The following MYOM1 variants were observed in gnomAD, a reference collection of about 807,000 sequenced individuals.
MYOM1 encodes the protein myomesin-1.
A neutral mutation model predicts 205.3 loss-of-function variants in MYOM1; 164 were observed. The observed-to-expected ratio is 0.80, with a 90% CI of 0.70 to 0.91. The LOEUF (loss-of-function observed/expected upper bound fraction) is 0.91, where lower values mean the gene tolerates loss of function less well. Among genes scored for constraint, MYOM1 ranks in the 40% least tolerant of loss-of-function variants. The probability of loss-of-function intolerance (pLI) is 0.00; values close to 1 mark genes in which losing one functional copy is unlikely to be tolerated. For missense variants in MYOM1, 2,011 were observed against 2,127.3 expected, an observed-to-expected ratio of 0.95 and a Z score of 1.08; for synonymous variants, 772 against 789.4, an observed-to-expected ratio of 0.98 and a Z score of 0.37.
intron 3 of MYOM1, among the ~76,000 whole-genome samples, chr18:3,193,335 TATGTAC>T (rs777080653): frequency 1.4e-5 from 2 of 140,420 alleles, no homozygotes; most frequent in African/African-American, 2.8e-5. Context: ...TATACATATA[TATGTAC>T]ATATACATAT....
At chr18:3,154,915 T>C (rs2080272680) in intron 11 of MYOM1, 32 bp downstream of exon 11, 1 of 1,597,964 alleles carries the variant, frequency 6.3e-7, no homozygotes, top group East Asian at 2.2e-5. Flanking sequence ...TATGACCAAA[T>C]AACTGTAATT....
rs1371652076 is a variant in MYOM1, at chr18:3,151,038, C to G, written c.1843+656G>C. ...TTTTTTTTTTTAAAAGATGGGGTCT[C>G]TCTATGTTGCCCAGGTTGGTCTCAG... On this transcript the variant is annotated intron_variant, in intron 12 of 37. Transcript: ENST00000356443. 2.5e-5 allele frequency among the ~76,000 whole-genome samples: 3 copies of G among 118,670 alleles called. No individual in the cohort carries two copies. In the East Asian group the frequency reaches 8.4e-4, roughly 33 times the overall value. The allele number at this position is 118,670 out of a possible 152,430, so 77.9% of individuals were successfully genotyped here.
chr18:3,243,809 T>C, the MYOM1 span, among the ~76,000 whole-genome samples: 1 of 152,158 alleles, frequency 6.6e-6, no homozygotes, highest in African/African-American at 2.4e-5. Context: ...CACAGGGTTG[T>C]TGTAAGAATT....
Position 3,094,323 on chromosome 18 carries a change from TA to T in MYOM1, c.3728-18del. On this transcript the variant is annotated intron_variant, in intron 25 of 37. Coordinates refer to ENST00000356443, the MANE Select transcript of MYOM1 (RefSeq NM_003803.4). ...CTGGGACAGCTATGAAAAGTAAAAATAAACACAGTAATTATATTGGTAACCA... is the reference window on the plus strand; with the variant it reads ...CTGGGACAGCTATGAAAAGTAAAAATAACACAGTAATTATATTGGTAACCA... The T allele has an allele frequency of 6.5e-7, 1 of 1,547,990 alleles. No individual in the cohort carries two copies. The highest frequency in any genetic ancestry group is 1.2e-5 in the South Asian group (1 of 83,984).
At chr18:3,202,665 A>G (rs1343522195) in intron 2 of MYOM1, among the ~76,000 whole-genome samples, 1 of 152,136 alleles carries the variant, frequency 6.6e-6, no homozygotes. Context: ...TACATAAAGC[A>G]AAAATGACAG....
At chr18:3,136,178 G>T (rs1276889714) in intron 14 of MYOM1, among the ~76,000 whole-genome samples, 1 of 152,020 alleles carries the variant, frequency 6.6e-6, no homozygotes, top group Admixed American at 6.6e-5. Context: ...ATGATTGTGA[G>T]GCCTCCCCAG....
chr18:3,099,711 G>A (rs113526780), intron 25 of MYOM1, among the ~76,000 whole-genome samples: 4 of 152,338 alleles, frequency 2.6e-5, no homozygotes, highest in African/African-American at 9.6e-5. Flanking sequence ...TTTTCCAGGA[G>A]TTGAAAATGG....
At chr18:3,180,992 T>G (rs1219373645) in intron 5 of MYOM1, among the ~76,000 whole-genome samples, 1 of 151,528 alleles carries the variant, frequency 6.6e-6, no homozygotes, top group Non-Finnish European at 1.5e-5. Context: ...AGTGGCACGA[T>G]CTGTGCTCAC....
chr18:3,193,563 A>C (rs945893288), intron 3 of MYOM1, among the ~76,000 whole-genome samples: 6 of 152,074 alleles, frequency 3.9e-5, no homozygotes, highest in African/African-American at 1.4e-4. Flanking sequence ...AAATTTCTGA[A>C]GAGGAAGTCC....
chr18:3,146,494 C>T (rs2080124837), intron 13 of MYOM1, among the ~76,000 whole-genome samples: 4 of 152,154 alleles, frequency 2.6e-5, no homozygotes, highest in Non-Finnish European at 5.9e-5. Context: ...TGTAATTCAA[C>T]ATGTTAATGG....
the MYOM1 span, chr18:3,247,296 C>T: frequency 6.6e-6 from 1 of 152,286 alleles, no homozygotes; most frequent in African/African-American, 2.4e-5. Flanking sequence ...CATCAAGATC[C>T]GCTCCCGGGA....
At chr18:3,157,775 T>C (rs1194893307) in intron 10 of MYOM1, among the ~76,000 whole-genome samples, 1 of 151,214 alleles carries the variant, frequency 6.6e-6, no homozygotes, top group Non-Finnish European at 1.5e-5. Context: ...CAAAACATAC[T>C]TGGGATGACA....
intron 17 of MYOM1, among the ~76,000 whole-genome samples, chr18:3,130,372 T>C (rs1037240487): frequency 1.3e-5 from 2 of 152,154 alleles, no homozygotes; most frequent in East Asian, 3.9e-4. Flanking sequence ...GAAAAAGCTA[T>C]ATGAGATGCT....
rs2079875153 is a variant in MYOM1 at position 3,131,471 on chromosome 18, C to A, written c.2410G>T (p.Gly804Cys). The change falls in exon 17 of 38, where the codon GGT (glycine) becomes TGT (cysteine). Residue 804 changes from glycine to cysteine, a missense_variant. Gly to Cys is a radical substitution (Grantham distance 159, BLOSUM62 -3). Transcript: ENST00000356443. ...SRFTCHGLVT[G>C]QSYIFRVRAV... ...CTGACCCGGAAAATATAACTCTGAC[C>A]AGTCACTAATCCATGACAAGTGAAT... 1 of 1,613,342 alleles carries A rather than the reference C, an allele frequency of 6.2e-7. No homozygotes were observed. The highest frequency in any genetic ancestry group is 8.5e-7 in the Non-Finnish European group (1 of 1,179,658).
At chr18:3,166,969 C>T (rs1349711902) in intron 9 of MYOM1, among the ~76,000 whole-genome samples, 1 of 152,188 alleles carries the variant, frequency 6.6e-6, no homozygotes, top group Non-Finnish European at 1.5e-5. Flanking sequence ...AGGCCTTATT[C>T]ATTGCTCTCT....
At chr18:3,169,610 C>G (rs370803588) in intron 8 of MYOM1, among the ~76,000 whole-genome samples, 4 of 152,142 alleles carry the variant, frequency 2.6e-5, no homozygotes, top group Non-Finnish European at 4.4e-5. Flanking sequence ...AATGAGATAT[C>G]ATTTCACCCC....
chr18:3,137,794 T>C (rs2079991947), intron 14 of MYOM1, among the ~76,000 whole-genome samples: 1 of 152,156 alleles, frequency 6.6e-6, no homozygotes, highest in Admixed American at 6.5e-5. Context: ...TATTTCAAAA[T>C]ACCTAAAAGA....
chr18:3,114,862 CTCTCTCTGTCTCTCTG>C (rs2079583073), intron 21 of MYOM1, among the ~76,000 whole-genome samples: 1 of 152,094 alleles, frequency 6.6e-6, no homozygotes, highest in Non-Finnish European at 1.5e-5. Context: ...GTCTCTCTTT[CTCTCTCTGTCTCTCTG>C]TTAAAATTCC....
chr18:3,129,370 T>C lies in MYOM1; in HGVS notation c.2656A>G (p.Ser886Gly), dbSNP rs199900004. ...GSKPNKPSLPSSSQNLGQTEV... is the reference protein window; with the variant it reads ...GSKPNKPSLPGSSQNLGQTEV... Reference sequence around the variant, plus strand: ...GTTTGGCCCAGGTTTTGAGAGCTACTGGGTAGTGAAGGTTTGTTAGGTTTG... The same window carrying C: ...GTTTGGCCCAGGTTTTGAGAGCTACCGGGTAGTGAAGGTTTGTTAGGTTTG... Residue 886 changes from serine to glycine, a missense_variant, in exon 18 of 38, where the codon AGT becomes GGT. By Grantham distance (56) the Ser-to-Gly change is moderately conservative. Transcript: ENST00000356443. 1,566 of 1,614,010 alleles carry C rather than the reference T, an allele frequency of 9.7e-4. 1 individual carries two copies. The highest frequency in any genetic ancestry group is 1.2e-3 in the Non-Finnish European group (1,418 of 1,179,888).
Sources: allele counts gnomAD v4.1 joint callset (sites outside exome capture counted in the v4.1 genomes callset), GRCh38; gene constraint gnomAD v4.1.1; transcripts MANE v1.5; gene names NCBI Gene and HGNC (gene_info 2026-07-23, HGNC 2026-07-21).